Variants in RNF111 observed in about 807,000 individuals in gnomAD.
RNF111 encodes E3 ubiquitin-protein ligase Arkadia.
RNF111 carries 17 observed loss-of-function variants against 95.1 expected under a neutral mutation model. The ratio of observed to expected loss-of-function variants is 0.18; its 90% CI spans 0.12 to 0.27. The LOEUF (loss-of-function observed/expected upper bound fraction) is 0.27. Ranked by LOEUF, RNF111 falls within the 10% of genes least tolerant of loss-of-function variation. The probability of loss-of-function intolerance (pLI) is 1.00; values close to 1 mark genes in which losing one functional copy is unlikely to be tolerated. For synonymous variants in RNF111, 440 were observed against 414.8 expected (o/e 1.06, Z -0.74); for missense variants, 1,189 against 1,210.4 (o/e 0.98, Z 0.26).
rs183386736 is a variant in RNF111, at chr15:58,997,481, A to G, written c.-20+9413A>G. On this transcript the variant is annotated intron_variant, in intron 1 of 13. Transcript: ENST00000348370. ...AAGACAGTGGCCAAACTGCATTAGT[A>G]ATCACTATGTTCTTCATGACTACAC... is the stretch of plus-strand genomic sequence containing the variant. Among the ~76,000 whole-genome samples the G allele has an allele frequency of 3.9e-5, 6 of 151,952 alleles. No homozygotes were observed. The East Asian group carries it at 9.7e-4, about 25-fold the overall frequency.
chr15:59,085,453 T>C, intron 9 of RNF111: 1 of 310,310 alleles, frequency 3.2e-6, no homozygotes, highest in Non-Finnish European at 5.8e-6. Flanking sequence ...TTGCTCCTCA[T>C]TGTCACAAAA....
At chr15:58,996,084 TTTTC>T (rs1472272602) in intron 1 of RNF111, among the ~76,000 whole-genome samples, 7 of 152,262 alleles carry the variant, frequency 4.6e-5, no homozygotes, top group African/African-American at 1.7e-4. Flanking sequence ...TTTTTTCTTC[TTTTC>T]TTTTTCAAAT....
In RNF111 at chr15:59,025,136, C is replaced by A. The variant is rs539170626; in HGVS notation, c.-19-5668C>A. Among the ~76,000 whole-genome samples the A allele has an allele frequency of 3.3e-5, 5 of 152,354 alleles. No homozygotes were observed. In the East Asian group the frequency reaches 7.7e-4, roughly 24 times the overall value. On this transcript the variant is annotated intron_variant, in intron 1 of 13. Coordinates refer to ENST00000348370, the MANE Select transcript of RNF111 (RefSeq NM_017610.8). The stretch of plus-strand genomic sequence containing the variant: ...TAATGCTGTTACGATCCGCCCTCCT[C>A]CGCCTCCCAAAGTGCAGGGATTACA...
At position 59,030,932 on chromosome 15, in the gene RNF111, T is replaced by G. The variant is rs1197154234; in HGVS notation, c.110T>G (p.Leu37Arg). 3 of 1,614,110 alleles carry G rather than the reference T, an allele frequency of 1.9e-6. No individual in the cohort carries two copies. In the African/African-American group the frequency reaches 4.0e-5, roughly 22 times the overall value. The change falls in exon 2 of 14, where the codon CTT becomes CGT. Residue 37 changes from leucine to arginine, a missense_variant. Around this residue, in one of 2 missense-constraint regions of RNF111, gnomAD observed 1,024 missense variants for 925.9 expected, o/e 1.11. Transcript: ENST00000348370. ...PKTQESLKGI[L>R]LHPEPIGAAK... ...ACACAGGAGAGTCTGAAAGGGATCC[T>G]TTTGCATCCAGAGCCCATTGGGGCA...
intron 6 of RNF111, among the ~76,000 whole-genome samples, chr15:59,073,671 A>C (rs531108419): frequency 6.6e-6 from 1 of 152,244 alleles, no homozygotes; most frequent in South Asian, 2.1e-4. Context: ...CAAAGTGTGC[A>C]TGAGGCTTGG....
chr15:58,998,055 C>T (rs1353061770), intron 1 of RNF111, among the ~76,000 whole-genome samples: 2 of 151,574 alleles, frequency 1.3e-5, no homozygotes, highest in Non-Finnish European at 2.9e-5. Context: ...CAGGCCCGTG[C>T]CACCACACCC....
At chr15:59,021,631 A>G (rs983078602) in intron 1 of RNF111, among the ~76,000 whole-genome samples, 22 of 152,158 alleles carry the variant, frequency 1.4e-4, no homozygotes, top group African/African-American at 5.1e-4. Context: ...GGTAAGTACT[A>G]TTATTATTCC....
At chr15:59,027,616 T>C (rs2040683770) in intron 1 of RNF111, among the ~76,000 whole-genome samples, 1 of 151,650 alleles carries the variant, frequency 6.6e-6, no homozygotes, top group African/African-American at 2.4e-5. Flanking sequence ...GCAACCTATG[T>C]CTCCTGGGTT....
chr15:59,064,561 AT>A (rs1233026657), intron 5 of RNF111, among the ~76,000 whole-genome samples: 1 of 150,598 alleles, frequency 6.6e-6, no homozygotes, highest in Admixed American at 6.6e-5. Context: ...AAAGGAAATA[AT>A]TTGTCGACTT....
chr15:59,019,103 G>GTTTTTTTT (rs1426442384), intron 1 of RNF111, among the ~76,000 whole-genome samples: 1 of 127,460 alleles, frequency 7.8e-6, no homozygotes, highest in African/African-American at 3.0e-5. Flanking sequence ...TTGTATTTTT[G>GTTTTTTTT]TATTTTTTTT....
chr15:59,047,780 T>G (rs1306123116), intron 2 of RNF111, among the ~76,000 whole-genome samples: 1 of 152,172 alleles, frequency 6.6e-6, no homozygotes, highest in African/African-American at 2.4e-5. Context: ...TTCGCCATGT[T>G]GCCCAGGCTG....
At chr15:59,045,347 C>T (rs1272296232) in intron 2 of RNF111, among the ~76,000 whole-genome samples, 5 of 152,044 alleles carry the variant, frequency 3.3e-5, no homozygotes, top group African/African-American at 9.7e-5. Context: ...CCTGCCACCA[C>T]ACCTGGCTAC....
At chr15:59,084,569 C>G (rs970315490) in intron 9 of RNF111, among the ~76,000 whole-genome samples, 3 of 152,130 alleles carry the variant, frequency 2.0e-5, no homozygotes, top group Non-Finnish European at 2.9e-5. Flanking sequence ...ATGATTAAAT[C>G]AGGCTAATGG....
At chr15:58,993,374 CT>C (rs1271896872) in intron 1 of RNF111, among the ~76,000 whole-genome samples, 1 of 151,250 alleles carries the variant, frequency 6.6e-6, no homozygotes, top group African/African-American at 2.4e-5. Flanking sequence ...AAAAATATAA[CT>C]GTAAATACAA....
chr15:59,094,989 G>A lies in RNF111; in HGVS notation c.*89G>A. On this transcript the variant is annotated 3_prime_UTR_variant, in exon 14 of 14. Transcript: ENST00000348370. ...AAAGATGGCATGACTTACCTGCGCA[G>A]ATTTGGAAGCATTGAACTTAGAGTG... The A allele has an allele frequency of 3.7e-6, 3 of 812,678 alleles. No homozygotes were observed. Among genetic ancestry groups the A allele is most frequent in the Non-Finnish European group, 6.5e-6 (3 of 460,544 alleles). The allele number at this position is 812,678 out of a possible 1,614,324, so 50.3% of individuals were successfully genotyped here.
At chr15:59,021,154 T>G (rs1218936110) in intron 1 of RNF111, among the ~76,000 whole-genome samples, 2 of 152,100 alleles carry the variant, frequency 1.3e-5, no homozygotes, top group African/African-American at 4.8e-5. Flanking sequence ...ATGCCCTGCC[T>G]TTTTTTGTTT....
At chr15:59,006,703 A>G (rs139836815) in intron 1 of RNF111, among the ~76,000 whole-genome samples, 217 of 152,368 alleles carry the variant, frequency 1.4e-3, no homozygotes, top group African/African-American at 4.5e-3. Flanking sequence ...AATAAAAAAA[A>G]TAAAGTTACA....
chr15:59,026,292 G>C (rs1156741086), intron 1 of RNF111, among the ~76,000 whole-genome samples: 1 of 151,960 alleles, frequency 6.6e-6, no homozygotes, highest in Non-Finnish European at 1.5e-5. Context: ...TTGAAAGTTA[G>C]TATTTTTTTT....
chr15:59,022,754 G>A lies in RNF111; in HGVS notation c.-19-8050G>A, dbSNP rs145411225. Among the ~76,000 whole-genome samples the A allele has an allele frequency of 5.1e-3, 775 of 152,298 alleles. 7 individuals carry two copies. The highest frequency in any genetic ancestry group is 0.044 in the Middle Eastern group (13 of 294). On this transcript the variant is annotated intron_variant, in intron 1 of 13. Coordinates refer to ENST00000348370, the MANE Select transcript of RNF111 (RefSeq NM_017610.8). ...CCAAAGTGACATTGGCAGATAATAG[G>A]AAACTTCTCATTATTAATATCAGCA...
Sources: allele counts gnomAD v4.1 joint callset (sites outside exome capture counted in the v4.1 genomes callset), GRCh38; gene constraint gnomAD v4.1.1; regional missense constraint gnomAD v4.1.1; transcripts MANE v1.5; gene names NCBI Gene and HGNC (gene_info 2026-07-23, HGNC 2026-07-21).